The following CNTN1 variants were observed in gnomAD, a reference collection of about 807,000 sequenced individuals.
The protein encoded by CNTN1 is contactin-1.
A neutral mutation model predicts 126.4 loss-of-function variants in CNTN1; 38 were observed. The ratio of observed to expected loss-of-function variants is 0.30; its 90% CI spans 0.23 to 0.39. The LOEUF (loss-of-function observed/expected upper bound fraction) is 0.39, where lower values mean the gene tolerates loss of function less well. CNTN1 is among the 10% of genes least tolerant of loss of function. CNTN1 has a pLI of 1.00. For missense variants in CNTN1, 1,009 were observed against 1,248.4 expected (o/e 0.81, Z 2.89); for synonymous variants, 413 against 422.6 (o/e 0.98, Z 0.28).
intron 17 of CNTN1, among the ~76,000 whole-genome samples, chr12:40,998,167 G>A (rs1948268131): frequency 6.6e-6 from 1 of 152,094 alleles, no homozygotes. Flanking sequence ...TTGAAAACAA[G>A]TTTAACATAT....
chr12:40,836,464 A>G (rs545108929), intron 1 of CNTN1, among the ~76,000 whole-genome samples: 5 of 152,030 alleles, frequency 3.3e-5, no homozygotes, highest in Admixed American at 2.0e-4. Context: ...TTTATGTACA[A>G]TGGTTATGCA....
chr12:40,985,232 T>C (rs1947929253), intron 16 of CNTN1, among the ~76,000 whole-genome samples: 1 of 152,084 alleles, frequency 6.6e-6, no homozygotes, highest in East Asian at 1.9e-4. Flanking sequence ...ATGCCTTTTT[T>C]AGGCTGAGAA....
At chr12:40,844,954 G>T (rs546031365) in intron 1 of CNTN1, among the ~76,000 whole-genome samples, 45 of 152,152 alleles carry the variant, frequency 3.0e-4, no homozygotes, top group Non-Finnish European at 5.3e-4. Flanking sequence ...GAAAATAAAG[G>T]AAATTTCAAT....
At chr12:40,846,996 T>A (rs935622003) in intron 1 of CNTN1, among the ~76,000 whole-genome samples, 2 of 152,108 alleles carry the variant, frequency 1.3e-5, no homozygotes, top group Non-Finnish European at 2.9e-5. Flanking sequence ...ACCTCCTGAG[T>A]AGCTGGGGTT....
chr12:40,827,340 G>C (rs1335858026), intron 1 of CNTN1, among the ~76,000 whole-genome samples: 1 of 151,800 alleles, frequency 6.6e-6, no homozygotes, highest in African/African-American at 2.4e-5. Context: ...ATTTTTAAGA[G>C]AAACTCCTTC....
intron 23 of CNTN1, among the ~76,000 whole-genome samples, chr12:41,044,306 A>T (rs1445992741): frequency 6.6e-6 from 1 of 152,058 alleles, no homozygotes; most frequent in Admixed American, 6.6e-5. Context: ...AAAACAATTT[A>T]TGATGCTGGG....
rs542552966 is a variant in CNTN1, at chr12:40,710,082, G to T, written c.-77+17490G>T. On this transcript the variant is annotated intron_variant, in intron 1 of 23. Transcript: ENST00000551295. ...TAGCTTTTGATTTAAAGTGAGAGAT[G>T]TGGGACTCTTCCTTTCAATTGAACA... Among the ~76,000 whole-genome samples, 4 of 152,266 alleles carry T rather than the reference G, an allele frequency of 2.6e-5. No individual in the cohort carries two copies. In the South Asian group the frequency reaches 8.3e-4, roughly 32 times the overall value.
intron 23 of CNTN1, among the ~76,000 whole-genome samples, chr12:41,044,963 T>C (rs1566207920): frequency 6.6e-6 from 1 of 152,102 alleles, no homozygotes; most frequent in East Asian, 1.9e-4. Context: ...TTATGATATA[T>C]GCATGAATAA....
intron 1 of CNTN1, among the ~76,000 whole-genome samples, chr12:40,904,135 C>T (rs1056998832): frequency 3.3e-5 from 5 of 152,136 alleles, no homozygotes; most frequent in Admixed American, 2.6e-4. Context: ...TCTCCTGCCT[C>T]AGCCTCCCGA....
chr12:40,729,879 T>G (rs1191702246), intron 1 of CNTN1: 1 of 162,614 alleles, frequency 6.1e-6, no homozygotes, highest in Non-Finnish European at 1.4e-5. Context: ...GTGAATAGCC[T>G]CACTACATAT....
At chr12:40,738,351 A>T (rs1218715966) in intron 1 of CNTN1, among the ~76,000 whole-genome samples, 1 of 152,066 alleles carries the variant, frequency 6.6e-6, no homozygotes, top group Non-Finnish European at 1.5e-5. Flanking sequence ...TTTTTACTTC[A>T]TACTAATAAA....
chr12:40,988,618 ACTT>A (rs1420673036), intron 16 of CNTN1, among the ~76,000 whole-genome samples: 2 of 152,090 alleles, frequency 1.3e-5, no homozygotes, highest in African/African-American at 4.8e-5. Flanking sequence ...AATGGTGGAA[ACTT>A]CTTTTTATTC....
chr12:40,924,100 C>T (rs1348035459), intron 5 of CNTN1, among the ~76,000 whole-genome samples: 2 of 152,104 alleles, frequency 1.3e-5, no homozygotes, highest in Non-Finnish European at 2.9e-5. Flanking sequence ...AGGGTCCTGC[C>T]TTTCACCCTT....
intron 23 of CNTN1, among the ~76,000 whole-genome samples, chr12:41,037,716 CAT>C (rs1423612188): frequency 4.0e-5 from 6 of 149,448 alleles, no homozygotes; most frequent in African/African-American, 1.5e-4. Context: ...TTATATATAA[CAT>C]GTGAAACTTC....
intron 1 of CNTN1, among the ~76,000 whole-genome samples, chr12:40,787,974 T>C (rs564397946): frequency 6.6e-6 from 1 of 152,282 alleles, no homozygotes; most frequent in Non-Finnish European, 1.5e-5. Context: ...AACTACTAGC[T>C]GTGGTTGCTT....
intron 1 of CNTN1, among the ~76,000 whole-genome samples, chr12:40,855,381 C>G (rs939717310): frequency 6.6e-6 from 1 of 151,904 alleles, no homozygotes; most frequent in Non-Finnish European, 1.5e-5. Flanking sequence ...ATTCAATGCT[C>G]GTCATTATCT....
At chr12:40,833,151 A>G (rs959233498) in intron 1 of CNTN1, among the ~76,000 whole-genome samples, 1 of 151,410 alleles carries the variant, frequency 6.6e-6, no homozygotes, top group African/African-American at 2.4e-5. Flanking sequence ...CTGGAGTGCA[A>G]TGGTGCAATC....
At chr12:40,892,753 A>T in intron 1 of CNTN1, among the ~76,000 whole-genome samples, 1 of 152,058 alleles carries the variant, frequency 6.6e-6, no homozygotes, top group East Asian at 1.9e-4. Flanking sequence ...TTTTGCTGAC[A>T]GGGTTGGAGG....
At chr12:40,712,412 AT>A (rs1941940897) in intron 1 of CNTN1, among the ~76,000 whole-genome samples, 1 of 151,952 alleles carries the variant, frequency 6.6e-6, no homozygotes, top group African/African-American at 2.4e-5. Flanking sequence ...TGTATCTGCT[AT>A]TTTATTTTAT....
Sources: gnomAD v4.1 joint callset for allele counts (sites outside exome capture counted in the v4.1 genomes callset) on GRCh38, gnomAD v4.1.1 for gene constraint, MANE v1.5 for transcripts, NCBI Gene and HGNC (gene_info 2026-07-23, HGNC 2026-07-21) for gene names.